Variants in ZNF727 observed in about 807,000 individuals in gnomAD.
The protein encoded by ZNF727 is zinc finger protein 727.
ZNF727 carries 11 observed loss-of-function variants against 11.5 expected under a neutral mutation model. That is an observed-to-expected ratio of 0.95 (90% CI 0.60 to 1.58). ZNF727 has a LOEUF of 1.58. Among genes scored for constraint, ZNF727 ranks in the 40% most tolerant of loss-of-function variants. ZNF727 has a pLI of 0.00. For synonymous variants in ZNF727, 171 were observed against 196.1 expected (o/e 0.87, Z 1.07); for missense variants, 533 against 581.7 (o/e 0.92, Z 0.86).
intron 1 of ZNF727, among the ~76,000 whole-genome samples, chr7:64,050,421 C>T (rs1342621663): frequency 6.6e-6 from 1 of 152,102 alleles, no homozygotes; most frequent in African/African-American, 2.4e-5. Context: ...AGGTACCCTG[C>T]CAAAGAAGGA....
In ZNF727 at chr7:64,078,593, A is replaced by G. The variant is rs759624396; in HGVS notation, c.*44A>G. On this transcript the variant is annotated 3_prime_UTR_variant, in exon 4 of 4. Transcript: ENST00000456806. ...CTTACAAATGTAATGAATGTGGAAA[A>G]GCTTTTACGTGGATCTTGGCCCTTA... 1.9e-6 allele frequency: 3 copies of G among 1,544,272 alleles called. No homozygotes were observed. The highest frequency in any genetic ancestry group is 2.6e-6 in the Non-Finnish European group (3 of 1,135,360).
At chr7:64,045,757 C>G in intron 1 of ZNF727, 133 bp downstream of exon 1, 4 of 1,137,930 alleles carry the variant, frequency 3.5e-6, no homozygotes, top group Non-Finnish European at 5.0e-6. Context: ...ACAGTTCAGT[C>G]CTCACTTCCC....
chr7:64,050,518 T>G (rs796138894), intron 1 of ZNF727, among the ~76,000 whole-genome samples: 21 of 152,160 alleles, frequency 1.4e-4, no homozygotes, highest in African/African-American at 4.8e-4. Context: ...TGACAAAAGG[T>G]TTTAAGTGGA....
At chr7:64,058,832 C>T (rs1427358705) in intron 1 of ZNF727, among the ~76,000 whole-genome samples, 1 of 152,198 alleles carries the variant, frequency 6.6e-6, no homozygotes, top group African/African-American at 2.4e-5. Context: ...CCTACGTCTA[C>T]ATCTGTATTC....
rs929177110 is a variant in ZNF727, at chr7:64,080,264, T to A, written c.*1715T>A. Among the ~76,000 whole-genome samples the A allele has an allele frequency of 3.4e-4, 51 of 152,176 alleles. 2 individuals carry two copies. Among genetic ancestry groups the A allele is most frequent in the Non-Finnish European group, 1.5e-5 (1 of 68,038 alleles). ...TATGTATTTCAAGTTGTTTTCATTC[T>A]CTCCATCACTTTCAAGCACTCTCTT... On this transcript the variant is annotated 3_prime_UTR_variant, in exon 4 of 4. Transcript: ENST00000456806.
intron 1 of ZNF727, among the ~76,000 whole-genome samples, chr7:64,060,424 G>C (rs1485228678): frequency 6.6e-6 from 1 of 152,114 alleles, no homozygotes; most frequent in Non-Finnish European, 1.5e-5. Flanking sequence ...AAAATCTGCA[G>C]GCAGAATATT....
At chr7:64,062,497 T>G (rs1344856178) in intron 1 of ZNF727, among the ~76,000 whole-genome samples, 1 of 151,810 alleles carries the variant, frequency 6.6e-6, no homozygotes, top group African/African-American at 2.4e-5. Context: ...CACCATCTCC[T>G]TGACTGTAAG....
chr7:64,083,826 A>G lies in ZNF727; in HGVS notation c.*5277A>G, dbSNP rs1373314760. Among the ~76,000 whole-genome samples, 2 of 152,042 alleles carry G rather than the reference A, an allele frequency of 1.3e-5. No homozygotes were observed. Among genetic ancestry groups the G allele is most frequent in the African/African-American group, 2.4e-5 (1 of 41,406 alleles). ...TAAGTTGTTTCTTTCATTAGTTCCA[A>G]TGCAAGTACCTGGATGTTTCAGTTG... On this transcript the variant is annotated 3_prime_UTR_variant, in exon 4 of 4. Coordinates refer to ENST00000456806, the MANE Select transcript of ZNF727 (RefSeq NM_001159522.3).
rs577854989 is a variant in ZNF727, at chr7:64,068,926, C to T, written c.39C>T (p.Phe13=). The part of the protein sequence containing the change: ...VLTFRDVAVE[F]SPEEWECLDS... ...CATTCAGGGATGTGGCTGTAGAATT[C>T]TCCCCAGAAGAGTGGGAATGCCTGG... The change falls in exon 2 of 4, where the codon TTC becomes TTT. Residue 13 remains phenylalanine, a synonymous_variant. Coordinates refer to ENST00000456806, the MANE Select transcript of ZNF727 (RefSeq NM_001159522.3). The T allele has an allele frequency of 3.2e-4, 510 of 1,604,140 alleles. No homozygotes were observed. Among genetic ancestry groups the T allele is most frequent in the Non-Finnish European group, 4.1e-4 (487 of 1,174,838 alleles).
At chr7:64,058,542 G>A (rs532722098) in intron 1 of ZNF727, among the ~76,000 whole-genome samples, 3 of 152,164 alleles carry the variant, frequency 2.0e-5, no homozygotes, top group African/African-American at 7.2e-5. Context: ...GGGCTTCTGA[G>A]TCACCTGATC....
chr7:64,056,513 C>T (rs1400950393), intron 1 of ZNF727, among the ~76,000 whole-genome samples: 3 of 152,164 alleles, frequency 2.0e-5, no homozygotes, highest in Non-Finnish European at 4.4e-5. Context: ...TTGTGTCTCA[C>T]AGCTCTCATT....
At chr7:64,068,219 TGAG>T (rs949518141) in intron 1 of ZNF727, among the ~76,000 whole-genome samples, 9 of 152,110 alleles carry the variant, frequency 5.9e-5, no homozygotes, top group African/African-American at 1.9e-4. Context: ...ATAGGTACCT[TGAG>T]GAGTTTTATC....
chr7:64,061,609 C>T (rs1789771535), intron 1 of ZNF727, among the ~76,000 whole-genome samples: 1 of 151,336 alleles, frequency 6.6e-6, no homozygotes, highest in East Asian at 1.9e-4. Flanking sequence ...ATTGTTGGGT[C>T]TCGTTTTTAT....
chr7:64,076,428 C>T (rs557232481), intron 3 of ZNF727, among the ~76,000 whole-genome samples: 5 of 152,164 alleles, frequency 3.3e-5, no homozygotes, highest in Non-Finnish European at 5.9e-5. Context: ...CTGGCCAACA[C>T]GGTGAAACCC....
rs1180137755 is a variant in ZNF727 at position 64,081,804 on chromosome 7, T to C, written c.*3255T>C. Among the ~76,000 whole-genome samples the C allele has an allele frequency of 6.6e-6, 1 of 152,088 alleles. No homozygotes were observed. The highest frequency in any genetic ancestry group is 2.4e-5 in the African/African-American group (1 of 41,428). ...GTCTCTTATGGGAGAAAGTTGAGCC[T>C]ATGGAAATGGCCGTCAATGGCCACA... is the stretch of plus-strand genomic sequence containing the variant. On this transcript the variant is annotated 3_prime_UTR_variant, in exon 4 of 4. Coordinates refer to ENST00000456806, the MANE Select transcript of ZNF727 (RefSeq NM_001159522.3).
chr7:64,051,675 T>C lies in ZNF727; in HGVS notation c.3+6051T>C, dbSNP rs148159451. ...TTTCCCAATTTGATCTTAGCTGGAATGCTGTTTTGCTAATTCTCTGGATGT... is the reference window on the plus strand; with the variant it reads ...TTTCCCAATTTGATCTTAGCTGGAACGCTGTTTTGCTAATTCTCTGGATGT... On this transcript the variant is annotated intron_variant, in intron 1 of 3. Coordinates refer to ENST00000456806, the MANE Select transcript of ZNF727 (RefSeq NM_001159522.3). 3.5e-3 allele frequency among the ~76,000 whole-genome samples: 539 copies of C among 152,322 alleles called. 5 individuals carry two copies. Among genetic ancestry groups the C allele is most frequent in the African/African-American group, 0.012 (498 of 41,586 alleles).
At chr7:64,076,038 T>C (rs2116325922) in intron 3 of ZNF727, among the ~76,000 whole-genome samples, 1 of 150,388 alleles carries the variant, frequency 6.6e-6, no homozygotes, top group South Asian at 2.1e-4. Flanking sequence ...TTGTTTACTA[T>C]TTTATATTTT....
In ZNF727 at chr7:64,080,747, C is replaced by T. The variant is rs182477875; in HGVS notation, c.*2198C>T. ...ACTGATTTTGTCTCATCTTTGTGGG[C>T]GTATCTTTAAAGTTGCTGAACTTTG... On this transcript the variant is annotated 3_prime_UTR_variant, in exon 4 of 4. Coordinates refer to ENST00000456806, the MANE Select transcript of ZNF727 (RefSeq NM_001159522.3). Among the ~76,000 whole-genome samples, 159 of 151,988 alleles carry T rather than the reference C, an allele frequency of 1.0e-3. No individual in the cohort carries two copies. Among genetic ancestry groups the T allele is most frequent in the Non-Finnish European group, 1.7e-3 (116 of 68,000 alleles).
At position 64,063,985 on chromosome 7, in the gene ZNF727, TG is replaced by T. The variant is rs1293387183; in HGVS notation, c.4-4904del. On this transcript the variant is annotated intron_variant, in intron 1 of 3. Coordinates refer to ENST00000456806, the MANE Select transcript of ZNF727 (RefSeq NM_001159522.3). ...ACCCAAGGGATCTTGTGTCAGCTTG[TG>T]GTGAACTCTGCTGGGCCTGCTTCTT... 4.6e-5 allele frequency among the ~76,000 whole-genome samples: 7 copies of T among 152,220 alleles called. No individual in the cohort carries two copies. The East Asian group carries it at 1.4e-3, about 30-fold the overall frequency.
Sources: allele counts gnomAD v4.1 joint callset (sites outside exome capture counted in the v4.1 genomes callset), GRCh38; gene constraint gnomAD v4.1.1; transcripts MANE v1.5; gene names NCBI Gene and HGNC (gene_info 2026-07-23, HGNC 2026-07-21).